Variants in SEL1L3 observed in about 807,000 individuals in gnomAD.
SEL1L3 encodes SEL1L family member 3, also known as protein sel-1 homolog 3.
A neutral mutation model predicts 142.8 loss-of-function variants in SEL1L3; 76 were observed. The observed-to-expected ratio is 0.53, with a 90% CI of 0.44 to 0.64. SEL1L3 has a LOEUF of 0.64. Among genes scored for constraint, SEL1L3 ranks in the 30% least tolerant of loss-of-function variants. SEL1L3 has a pLI of 0.00. For synonymous variants in SEL1L3, 504 were observed against 519.6 expected, an observed-to-expected ratio of 0.97 and a Z score of 0.41; for missense variants, 1,262 against 1,381.7, an observed-to-expected ratio of 0.91 and a Z score of 1.37.
At chr4:25,733,639 G>A in the SEL1L3 span, among the ~76,000 whole-genome samples, 4 of 150,498 alleles carry the variant, frequency 2.7e-5, no homozygotes, top group African/African-American at 9.8e-5. Flanking sequence ...TCCTGCCTCA[G>A]CTTCCCCAGT....
intron 5 of SEL1L3, among the ~76,000 whole-genome samples, chr4:25,830,850 C>G (rs1715395152): frequency 6.6e-6 from 1 of 152,244 alleles, no homozygotes; most frequent in South Asian, 2.1e-4. Flanking sequence ...AGCCATACAA[C>G]ATGTTGGTTC....
chr4:25,777,951 C>CA (rs1719748468), intron 16 of SEL1L3: 1 of 424,804 alleles, frequency 2.4e-6, no homozygotes, highest in South Asian at 1.7e-5. Context: ...GTCTCTGTTG[C>CA]ATATTCTTCT....
At chr4:25,851,884 T>C (rs1309475857) in intron 1 of SEL1L3, among the ~76,000 whole-genome samples, 1 of 116,490 alleles carries the variant, frequency 8.6e-6, no homozygotes, top group Non-Finnish European at 1.6e-5. Context: ...TGAGACTCTG[T>C]CTCAAAAAAA....
intron 2 of SEL1L3, among the ~76,000 whole-genome samples, chr4:25,846,682 G>A (rs573151830): frequency 2.0e-5 from 3 of 152,112 alleles, no homozygotes; most frequent in Non-Finnish European, 4.4e-5. Context: ...GCTAAGGCAG[G>A]CAGATCGCCT....
At chr4:25,722,624 C>CTTTTTTTTTTTTTTTTTTTTTTT in the SEL1L3 span, among the ~76,000 whole-genome samples, 2 of 103,668 alleles carry the variant, frequency 1.9e-5, no homozygotes, top group African/African-American at 7.3e-5. Flanking sequence ...CCAAAGGAGG[C>CTTTTTTTTTTTTTTTTTTTTTTT]TTTTTTTTTT....
At chr4:25,811,755 T>G (rs569673665) in intron 9 of SEL1L3, among the ~76,000 whole-genome samples, 2 of 148,812 alleles carry the variant, frequency 1.3e-5, no homozygotes, top group South Asian at 2.1e-4. Context: ...CCTGTTTTTT[T>G]TTTTTTTTTT....
chr4:25,798,951 A>C (rs1161939407), intron 11 of SEL1L3, among the ~76,000 whole-genome samples: 1 of 152,170 alleles, frequency 6.6e-6, no homozygotes, highest in Admixed American at 6.5e-5. Context: ...TAGAGGCCGG[A>C]AGTTCCTAAT....
intron 9 of SEL1L3, among the ~76,000 whole-genome samples, chr4:25,814,105 T>G (rs749369862): frequency 3.3e-5 from 5 of 152,136 alleles, no homozygotes; most frequent in Admixed American, 1.3e-4. Context: ...GGGAAGAAGA[T>G]GACTCTCAGA....
intron 11 of SEL1L3, among the ~76,000 whole-genome samples, chr4:25,795,826 G>A (rs56346756): frequency 0.18 from 27,859 of 152,028 alleles, 3,099 homozygotes; most frequent in Middle Eastern, 0.31. Flanking sequence ...CAAAGACTTC[G>A]GAGGCAGGAA....
chr4:25,761,235 A>C (rs1033814157), intron 20 of SEL1L3, among the ~76,000 whole-genome samples: 1 of 149,344 alleles, frequency 6.7e-6, no homozygotes, highest in African/African-American at 2.5e-5. Flanking sequence ...GGCTCAGTGC[A>C]TCGTCCGCCT....
At chr4:25,782,858 A>G (rs1423747337) in intron 14 of SEL1L3, among the ~76,000 whole-genome samples, 1 of 152,126 alleles carries the variant, frequency 6.6e-6, no homozygotes, top group Non-Finnish European at 1.5e-5. Flanking sequence ...CTGAACACCA[A>G]CACGCACTCT....
intron 8 of SEL1L3, among the ~76,000 whole-genome samples, chr4:25,818,710 C>T (rs1409087069): frequency 2.0e-5 from 3 of 152,148 alleles, no homozygotes; most frequent in African/African-American, 4.8e-5. Flanking sequence ...CCTGAGAGTA[C>T]ATAAGTTACC....
intron 2 of SEL1L3, among the ~76,000 whole-genome samples, chr4:25,838,094 TG>T (rs1715949384): frequency 6.6e-6 from 1 of 152,222 alleles, no homozygotes; most frequent in Non-Finnish European, 1.5e-5. Context: ...AATATAGGTG[TG>T]GCCAAGTCAG....
Position 25,748,523 on chromosome 4 carries a change from T to G in SEL1L3, c.3301A>C (p.Thr1101Pro), listed in dbSNP as rs200464132. ...PPRPSQASPD[T>P]ATSTASPAVT... ...GCTGGACTTGCAGTGGACGTGGCAGTGTCTGGGGAGGCCTGGGATGGTCTT... is the reference window on the plus strand; with the variant it reads ...GCTGGACTTGCAGTGGACGTGGCAGGGTCTGGGGAGGCCTGGGATGGTCTT... The change falls in exon 24 of 24, where the codon ACT becomes CCT. Residue 1101 changes from threonine to proline, a missense_variant. Around this residue, in one of 3 missense-constraint regions of SEL1L3, gnomAD observed 138 missense variants for 129.7 expected, o/e 1.06. Coordinates refer to ENST00000399878, the MANE Select transcript of SEL1L3 (RefSeq NM_015187.5). 1.1e-4 allele frequency: 179 copies of G among 1,611,826 alleles called. 1 individual carries two copies. The African/African-American group carries it at 1.9e-3, about 17-fold the overall frequency.
intron 1 of SEL1L3, among the ~76,000 whole-genome samples, chr4:25,859,342 A>T (rs1218756608): frequency 6.6e-6 from 1 of 152,208 alleles, no homozygotes; most frequent in Non-Finnish European, 1.5e-5. Flanking sequence ...GGAACCAGGG[A>T]TCATCTTTTC....
At chr4:25,793,915 G>T (rs1481782289) in intron 11 of SEL1L3, among the ~76,000 whole-genome samples, 2 of 152,202 alleles carry the variant, frequency 1.3e-5, no homozygotes, top group East Asian at 3.8e-4. Flanking sequence ...ACAAAAACAA[G>T]CAATGGAGAA....
chr4:25,803,114 C>A (rs1164101275), intron 10 of SEL1L3, among the ~76,000 whole-genome samples: 1 of 152,184 alleles, frequency 6.6e-6, no homozygotes, highest in Admixed American at 6.5e-5. Flanking sequence ...GGATGGCGGG[C>A]CCATGTCCCA....
intron 23 of SEL1L3, among the ~76,000 whole-genome samples, chr4:25,752,130 G>A (rs749815882): frequency 0.011 from 1,450 of 129,494 alleles, 13 homozygotes; most frequent in Non-Finnish European, 0.014. Context: ...AAAAATAGTT[G>A]AATGGGCAAG....
intron 2 of SEL1L3, among the ~76,000 whole-genome samples, chr4:25,843,989 A>G (rs1255337160): frequency 6.6e-6 from 1 of 152,240 alleles, no homozygotes; most frequent in Non-Finnish European, 1.5e-5. Flanking sequence ...CATGAAAAGG[A>G]AAATGAAAGC....
Sources: gnomAD v4.1 joint callset for allele counts (sites outside exome capture counted in the v4.1 genomes callset) on GRCh38, gnomAD v4.1.1 for gene constraint, gnomAD v4.1.1 regional missense constraint, MANE v1.5 for transcripts, NCBI Gene and HGNC (gene_info 2026-07-23, HGNC 2026-07-21) for gene names.